The following KIAA0753 variants were observed in gnomAD, a reference collection of about 807,000 sequenced individuals.
The protein encoded by KIAA0753 is protein moonraker.
A neutral mutation model predicts 116.9 loss-of-function variants in KIAA0753; 114 were observed. That is an observed-to-expected ratio of 0.98 (90% CI 0.84 to 1.14). The LOEUF is 1.14. Ranked by LOEUF, KIAA0753 falls within the 50% of genes most tolerant of loss-of-function variation. KIAA0753 has a pLI of 0.00. For synonymous variants in KIAA0753, 405 were observed against 413.1 expected, an observed-to-expected ratio of 0.98 and a Z score of 0.24; for missense variants, 1,156 against 1,172.4, an observed-to-expected ratio of 0.99 and a Z score of 0.20.
At chr17:6,632,193 C>G (rs1227311749) in intron 2 of KIAA0753, among the ~76,000 whole-genome samples, 1 of 152,134 alleles carries the variant, frequency 6.6e-6, no homozygotes, top group Non-Finnish European at 1.5e-5. Context: ...TGAGCCACAA[C>G]GCCCAGCCTT....
chr17:6,614,133 A>C (rs1244643320), intron 7 of KIAA0753, among the ~76,000 whole-genome samples: 1 of 152,244 alleles, frequency 6.6e-6, no homozygotes, highest in East Asian at 1.9e-4. Flanking sequence ...TATTCAAACA[A>C]TGAGATATCA....
intron 16 of KIAA0753, 108 bp from the exon 17 acceptor site, chr17:6,590,738 T>A: frequency 8.5e-7 from 1 of 1,172,792 alleles, no homozygotes; most frequent in Non-Finnish European, 1.2e-6. Flanking sequence ...GGACATCTCT[T>A]AAGCACGACA....
intron 12 of KIAA0753, 54 bp from the exon 13 acceptor site, chr17:6,600,512 T>G: frequency 7.0e-7 from 1 of 1,429,850 alleles, no homozygotes; most frequent in South Asian, 1.2e-5. Flanking sequence ...ATATCCTATT[T>G]TGCATATTTA....
chr17:6,630,071 G>C (rs1444954505), intron 2 of KIAA0753, among the ~76,000 whole-genome samples: 1 of 152,034 alleles, frequency 6.6e-6, no homozygotes, highest in African/African-American at 2.4e-5. Flanking sequence ...GCAGCGAGCT[G>C]AGACTAAGCC....
chr17:6,612,348 C>T (rs1056045192), intron 7 of KIAA0753, among the ~76,000 whole-genome samples, 200 bp from the exon 8 acceptor site: 1 of 152,210 alleles, frequency 6.6e-6, no homozygotes, highest in Non-Finnish European at 1.5e-5. Flanking sequence ...TCACGGTTGA[C>T]TCCCTGAATC....
At chr17:6,614,558 T>C (rs1303771691) in intron 7 of KIAA0753, among the ~76,000 whole-genome samples, 1 of 151,810 alleles carries the variant, frequency 6.6e-6, no homozygotes, top group Non-Finnish European at 1.5e-5. Context: ...GATATTTACA[T>C]AAAACAATAC....
chr17:6,587,389 G>C (rs887394128), intron 18 of KIAA0753, among the ~76,000 whole-genome samples: 3 of 152,304 alleles, frequency 2.0e-5, no homozygotes, highest in East Asian at 1.9e-4. Context: ...ATTTTAACCT[G>C]TTATTCTTTA....
At chr17:6,580,925 CA>C (rs1968126756) in intron 18 of KIAA0753, among the ~76,000 whole-genome samples, 2 of 144,516 alleles carry the variant, frequency 1.4e-5, no homozygotes, top group African/African-American at 5.0e-5. Context: ...CACACACACA[CA>C]CACACCTTCA....
intron 12 of KIAA0753, among the ~76,000 whole-genome samples, chr17:6,604,468 G>A (rs762481206): frequency 3.3e-5 from 5 of 152,044 alleles, no homozygotes; most frequent in Non-Finnish European, 7.4e-5. Context: ...AACAAAAAGG[G>A]ATGAACTACT....
At chr17:6,599,716 C>T (rs938237381) in intron 13 of KIAA0753, among the ~76,000 whole-genome samples, 1 of 152,080 alleles carries the variant, frequency 6.6e-6, no homozygotes, top group Non-Finnish European at 1.5e-5. Flanking sequence ...CTGAGATTTC[C>T]ATGGACTCTA....
chr17:6,597,915 G>C (rs1969591527), intron 14 of KIAA0753, among the ~76,000 whole-genome samples: 1 of 152,192 alleles, frequency 6.6e-6, no homozygotes, highest in African/African-American at 2.4e-5. Context: ...GCTTTTGTTT[G>C]TTTTCATTCA....
Position 6,596,187 on chromosome 17 carries a change from T to C in KIAA0753, c.2329A>G (p.Ile777Val). 1 of 1,613,814 alleles carries C rather than the reference T, an allele frequency of 6.2e-7. No individual in the cohort carries two copies. Among genetic ancestry groups the C allele is most frequent in the Non-Finnish European group, 8.5e-7 (1 of 1,179,798 alleles). Residue 777 changes from isoleucine (I) to valine (V), a missense_variant, in exon 15 of 19, where the codon ATC becomes GTC. Physicochemically the swap from Ile to Val is conservative, Grantham distance 29. Transcript: ENST00000361413. ...EDSKDSPDLE[I>V]MMRRMEEMEK... is the part of the protein sequence containing the mutation. ...ATCTCTTCCATTCGGCGCATCATGA[T>C]CTCCAGATCTGGGCTATCCTTGCTG...
rs1567564464 is a variant in KIAA0753 at position 6,611,968 on chromosome 17, T to G, written c.1496A>C (p.Glu499Ala). 6.2e-7 allele frequency: 1 copy of G among 1,614,178 alleles called. No individual in the cohort carries two copies. The highest frequency in any genetic ancestry group is 1.7e-5 in the Admixed American group (1 of 60,028). The change falls in exon 8 of 19, where the codon GAG becomes GCG. Residue 499 changes from glutamate (E) to alanine (A), a missense_variant. Glu to Ala is a moderately radical substitution (Grantham distance 107). Transcript: ENST00000361413. ...ATCTTTCTTCCTAAACGGCACATTC[T>G]CAGTCACAGGCTTCTTTTTCCCTGC... ...TKAGKKKPVT[E>A]NVPFRKKDTL...
chr17:6,634,068 GA>G (rs1239434780), intron 2 of KIAA0753, among the ~76,000 whole-genome samples: 2 of 144,984 alleles, frequency 1.4e-5, no homozygotes, highest in Admixed American at 6.8e-5. Flanking sequence ...TATATTGAAA[GA>G]AAAAAATCAG....
rs767840784 is a variant in KIAA0753 at position 6,623,009 on chromosome 17, T to TC, written c.976dup (p.Glu326GlyfsTer9). On this transcript the variant is annotated frameshift_variant, in exon 6 of 19. Coordinates refer to ENST00000361413, the MANE Select transcript of KIAA0753 (RefSeq NM_014804.3). LOFTEE classifies it high-confidence loss of function. ...CTTACACCGAGCAGGAAGTGGATGC[T>TC]CCCCTCGGTCAGTAAACTGAGTGAC... 6.2e-7 allele frequency: 1 copy of TC among 1,614,082 alleles called. No individual in the cohort carries two copies. The highest frequency in any genetic ancestry group is 1.7e-5 in the Admixed American group (1 of 60,000).
intron 2 of KIAA0753, among the ~76,000 whole-genome samples, chr17:6,629,635 C>G (rs1363296884): frequency 6.6e-6 from 1 of 152,080 alleles, no homozygotes; most frequent in African/African-American, 2.4e-5. Flanking sequence ...TGTCAAAGAC[C>G]GGTCAATAGC....
chr17:6,636,509 C>CAT (rs959629713), intron 1 of KIAA0753: 1 of 152,462 alleles, frequency 6.6e-6, no homozygotes, highest in African/African-American at 2.4e-5. Flanking sequence ...TACACACACA[C>CAT]ATACACACAC....
intron 18 of KIAA0753, among the ~76,000 whole-genome samples, chr17:6,587,908 T>C (rs963626243): frequency 3.3e-5 from 5 of 152,174 alleles, no homozygotes; most frequent in African/African-American, 1.2e-4. Context: ...AGAAGAATCA[T>C]AACTGATTTA....
intron 11 of KIAA0753, 38 bp from the exon 12 acceptor site, chr17:6,607,000 A>C: frequency 1.9e-6 from 3 of 1,583,556 alleles, no homozygotes; most frequent in Non-Finnish European, 2.6e-6. Flanking sequence ...AACTCTCCTC[A>C]AGGCAGAGTC....
Sources: gnomAD v4.1 joint callset for allele counts (sites outside exome capture counted in the v4.1 genomes callset) on GRCh38, gnomAD v4.1.1 for gene constraint, MANE v1.5 for transcripts, NCBI Gene and HGNC (gene_info 2026-07-23, HGNC 2026-07-21) for gene names.